SH3GL3: variants seen among roughly 807,000 people sequenced by gnomAD.
SH3GL3 encodes the protein endophilin-A3.
A neutral mutation model predicts 47.7 loss-of-function variants in SH3GL3; 33 were observed. The observed-to-expected ratio is 0.69, with a 90% confidence interval of 0.52 to 0.92. The LOEUF is 0.92. SH3GL3 is among the 40% of genes least tolerant of loss of function. The pLI is 0.00. For missense variants in SH3GL3, 363 were observed against 417.8 expected (o/e 0.87, Z 1.14); for synonymous variants, 155 against 148.8 (o/e 1.04, Z -0.30).
chr15:83,614,142 C>T (rs530834668), intron 8 of SH3GL3, among the ~76,000 whole-genome samples: 3 of 152,330 alleles, frequency 2.0e-5, no homozygotes, highest in East Asian at 3.9e-4. Context: ...CCCATATACA[C>T]ACTCCATGAC....
intron 2 of SH3GL3, among the ~76,000 whole-genome samples, chr15:83,564,836 T>C (rs2045459734): frequency 6.6e-6 from 1 of 152,186 alleles, no homozygotes; most frequent in African/African-American, 2.4e-5. Context: ...CAAGTATATC[T>C]AATAATCTAG....
Position 83,605,534 on chromosome 15 carries a change from C to G in SH3GL3, c.839-12548C>G, listed in dbSNP as rs559587214. On this transcript the variant is annotated intron_variant, in intron 8 of 8. Coordinates refer to ENST00000427482, the MANE Select transcript of SH3GL3 (RefSeq NM_003027.5). ...AAATGAATTCCAAGAACATTTTCTT[C>G]ATCATTTCTTCTTTCTAAAGAAAAA... Among the ~76,000 whole-genome samples, 14 of 142,802 alleles carry G rather than the reference C, an allele frequency of 9.8e-5. 1 individual carries two copies. The highest frequency in any genetic ancestry group is 4.0e-4 in the African/African-American group (13 of 32,814). 93.7% of individuals were successfully genotyped at this position (142,802 alleles called of 152,430 possible).
Position 83,543,431 on chromosome 15 carries a change from G to A in SH3GL3, c.46-15822G>A, listed in dbSNP as rs77851802. On this transcript the variant is annotated intron_variant, in intron 1 of 8. Coordinates refer to ENST00000427482, the MANE Select transcript of SH3GL3 (RefSeq NM_003027.5). ...TGATGTTCATGAGATATATTGGCCC[G>A]TAGTTTTGTTGTTGTTTTGTTTGTT... 3.1e-4 allele frequency among the ~76,000 whole-genome samples: 47 copies of A among 151,920 alleles called. No homozygotes were observed. The East Asian group carries it at 3.3e-3, about 11-fold the overall frequency.
At chr15:83,589,823 A>T (rs1218464157) in intron 8 of SH3GL3, among the ~76,000 whole-genome samples, 3 of 152,196 alleles carry the variant, frequency 2.0e-5, no homozygotes, top group Non-Finnish European at 4.4e-5. Context: ...GTTTTCTATT[A>T]TACCATTTCC....
chr15:83,597,218 G>C (rs2060257700), intron 8 of SH3GL3, among the ~76,000 whole-genome samples: 4 of 152,120 alleles, frequency 2.6e-5, no homozygotes, highest in South Asian at 2.1e-4. Flanking sequence ...CCTTGCTCCA[G>C]CTTCCCAGCT....
chr15:83,607,155 C>A (rs2060538435), intron 8 of SH3GL3, among the ~76,000 whole-genome samples: 1 of 152,144 alleles, frequency 6.6e-6, no homozygotes, highest in South Asian at 2.1e-4. Flanking sequence ...TTTGACTTTG[C>A]TGAAATGATC....
At chr15:83,498,094 T>C (rs997804759) in intron 1 of SH3GL3, among the ~76,000 whole-genome samples, 1 of 152,254 alleles carries the variant, frequency 6.6e-6, no homozygotes, top group South Asian at 2.1e-4. Flanking sequence ...CTGTTCATAA[T>C]TCCTGTCCTG....
chr15:83,523,388 G>A (rs965362669), intron 1 of SH3GL3, among the ~76,000 whole-genome samples: 1 of 152,160 alleles, frequency 6.6e-6, no homozygotes, highest in African/African-American at 2.4e-5. Flanking sequence ...GAAGTGGTGC[G>A]GGGTGGGCTG....
chr15:83,540,224 A>G (rs865996958), intron 1 of SH3GL3, among the ~76,000 whole-genome samples: 19 of 152,090 alleles, frequency 1.2e-4, no homozygotes, highest in Non-Finnish European at 2.6e-4. Flanking sequence ...GATTCCGCAT[A>G]TGGTCTATTT....
intron 1 of SH3GL3, among the ~76,000 whole-genome samples, chr15:83,464,425 T>C (rs957306283): frequency 2.0e-5 from 3 of 152,186 alleles, no homozygotes; most frequent in African/African-American, 4.8e-5. Context: ...ACACAAAATC[T>C]ATACATTGAT....
rs180713633 is a variant in SH3GL3, at chr15:83,500,650, A to T, written c.45+53072A>T. ...GGTGAACCTCAACCAATGGGAGAGG[A>T]TAGGATGGCACTGGGCAGATCAATT... On this transcript the variant is annotated intron_variant, in intron 1 of 8. Transcript: ENST00000427482. Among the ~76,000 whole-genome samples, 225 of 152,298 alleles carry T rather than the reference A, an allele frequency of 1.5e-3. 2 individuals are homozygous for T. The highest frequency in any genetic ancestry group is 5.4e-3 in the African/African-American group (223 of 41,576).
chr15:83,509,685 A>C (rs1045088108), intron 1 of SH3GL3, among the ~76,000 whole-genome samples: 3 of 152,196 alleles, frequency 2.0e-5, no homozygotes, highest in Non-Finnish European at 2.9e-5. Context: ...AAGAGGGCAA[A>C]GATCTTTAAA....
At chr15:83,596,385 C>G (rs182073084) in intron 8 of SH3GL3, among the ~76,000 whole-genome samples, 2 of 152,208 alleles carry the variant, frequency 1.3e-5, no homozygotes, top group East Asian at 3.9e-4. Context: ...TCAATTAGGT[C>G]AAATTATTTA....
chr15:83,610,365 C>T (rs1745881041), intron 8 of SH3GL3, among the ~76,000 whole-genome samples: 1 of 152,040 alleles, frequency 6.6e-6, no homozygotes, highest in South Asian at 2.1e-4. Flanking sequence ...AGTGAGACCC[C>T]ACCTCTATAG....
chr15:83,492,753 G>T (rs970100644), intron 1 of SH3GL3, among the ~76,000 whole-genome samples: 3 of 152,240 alleles, frequency 2.0e-5, no homozygotes, highest in African/African-American at 7.2e-5. Context: ...ACTCTCAGTG[G>T]TGCCCCACAC....
Position 83,465,848 on chromosome 15 carries a change from A to T in SH3GL3, c.45+18270A>T, listed in dbSNP as rs528518785. Among the ~76,000 whole-genome samples, 20 of 152,316 alleles carry T rather than the reference A, an allele frequency of 1.3e-4. 1 individual carries two copies. The South Asian group carries it at 4.1e-3, about 32-fold the overall frequency. On this transcript the variant is annotated intron_variant, in intron 1 of 8. Transcript: ENST00000427482. The stretch of plus-strand genomic sequence containing the variant: ...TATTTTGAGGTAATTGCAGATTCAC[A>T]TGCAATTATAAGAAATAATACCAAT...
intron 1 of SH3GL3, among the ~76,000 whole-genome samples, chr15:83,496,229 C>T (rs533685992): frequency 2.0e-5 from 3 of 151,654 alleles, no homozygotes; most frequent in East Asian, 1.9e-4. Flanking sequence ...TGGTGGTGCA[C>T]GTGCCTGTAG....
At chr15:83,585,873 T>A (rs1342236349) in intron 6 of SH3GL3, among the ~76,000 whole-genome samples, 2 of 152,152 alleles carry the variant, frequency 1.3e-5, no homozygotes, top group Non-Finnish European at 2.9e-5. Context: ...GTAAGAAAAA[T>A]TTAAGTACAG....
intron 2 of SH3GL3, among the ~76,000 whole-genome samples, chr15:83,561,729 A>G (rs936275923): frequency 2.4e-4 from 37 of 152,260 alleles, no homozygotes; most frequent in African/African-American, 8.7e-4. Flanking sequence ...GAAAGAGGAT[A>G]TGCCCACTGA....
Sources: gnomAD v4.1 joint callset for allele counts (sites outside exome capture counted in the v4.1 genomes callset) on GRCh38, gnomAD v4.1.1 for gene constraint, MANE v1.5 for transcripts, NCBI Gene and HGNC (gene_info 2026-07-23, HGNC 2026-07-21) for gene names.